Variants in CDH18 observed in about 807,000 individuals in gnomAD.
CDH18 encodes cadherin 18, also known as cadherin-18.
In CDH18, 31 loss-of-function variants were observed where a neutral mutation model predicts 67.9. The ratio of observed to expected loss-of-function variants is 0.46; its 90% CI spans 0.34 to 0.62. The LOEUF (loss-of-function observed/expected upper bound fraction) is 0.62, where lower values mean the gene tolerates loss of function less well. Among genes scored for constraint, CDH18 ranks in the 20% least tolerant of loss-of-function variants. The probability of loss-of-function intolerance (pLI) is 0.01; values close to 1 mark genes in which losing one functional copy is unlikely to be tolerated. For missense variants in CDH18, 890 were observed against 975.5 expected (o/e 0.91, Z 1.17); for synonymous variants, 362 against 347.2 (o/e 1.04, Z -0.48).
At chr5:20,188,848 CAAA>C (rs11390844) in intron 2 of CDH18, among the ~76,000 whole-genome samples, 1 of 125,174 alleles carries the variant, frequency 8.0e-6, no homozygotes, top group Non-Finnish European at 1.6e-5. Flanking sequence ...ATTTTCTAGG[CAAA>C]AAAAAAAAAA....
At chr5:19,620,032 C>T (rs1750449480) in intron 5 of CDH18, among the ~76,000 whole-genome samples, 1 of 152,062 alleles carries the variant, frequency 6.6e-6, no homozygotes, top group South Asian at 2.1e-4. Flanking sequence ...GAGACACTGG[C>T]ATCTTAAAAT....
chr5:20,309,111 G>A (rs1289980295), intron 1 of CDH18, among the ~76,000 whole-genome samples: 2 of 152,154 alleles, frequency 1.3e-5, no homozygotes, highest in African/African-American at 4.8e-5. Flanking sequence ...TGAGGTAGCT[G>A]CTCTGGGAAA....
chr5:20,328,491 G>A (rs112824122), intron 1 of CDH18, among the ~76,000 whole-genome samples: 9 of 149,298 alleles, frequency 6.0e-5, no homozygotes, highest in African/African-American at 2.3e-4. Flanking sequence ...GTGTGTGTGT[G>A]TGTGTGTGTG....
intron 2 of CDH18, among the ~76,000 whole-genome samples, chr5:20,001,500 C>G (rs1736434247): frequency 1.3e-5 from 2 of 151,946 alleles, no homozygotes; most frequent in African/African-American, 4.8e-5. Context: ...TCATAAAGAA[C>G]AGAACAAGCT....
chr5:19,776,515 G>C lies in CDH18; in HGVS notation c.229-29279C>G, dbSNP rs533475105. 3.9e-5 allele frequency among the ~76,000 whole-genome samples: 6 copies of C among 152,196 alleles called. No homozygotes were observed. In the South Asian group the frequency reaches 1.2e-3, roughly 32 times the overall value. ...GGATGAATGTAGGGAGGAAGTAAAAGAGGAGAAAATAAATTCATACAGGGA... is the reference window on the plus strand; with the variant it reads ...GGATGAATGTAGGGAGGAAGTAAAACAGGAGAAAATAAATTCATACAGGGA... On this transcript the variant is annotated intron_variant, in intron 3 of 12. Coordinates refer to ENST00000382275, the MANE Select transcript of CDH18 (RefSeq NM_004934.5).
intron 1 of CDH18, among the ~76,000 whole-genome samples, chr5:20,497,409 C>T (rs576793164): frequency 3.9e-5 from 6 of 152,212 alleles, no homozygotes; most frequent in Non-Finnish European, 5.9e-5. Flanking sequence ...TATTTAGATA[C>T]GCTTAGATAC....
In CDH18 at chr5:19,591,139, G is replaced by C. The variant is rs1745066394; in HGVS notation, c.917C>G (p.Ser306Cys). Residue 306 changes from serine to cysteine, a missense_variant, in exon 7 of 13, where the codon TCC becomes TGC. Ser to Cys is a moderately radical substitution (Grantham distance 112). Coordinates refer to ENST00000382275, the MANE Select transcript of CDH18 (RefSeq NM_004934.5). ...TCCCATGCCATCACCATTTATGATG[G>C]AGTAGGTCATGTCAGCATTTGAGCC... is the stretch of plus-strand genomic sequence containing the variant. ...DTGSNADMTY[S>C]IINGDGMGIF... The C allele has an allele frequency of 1.2e-6, 2 of 1,611,762 alleles. No individual in the cohort carries two copies. The highest frequency in any genetic ancestry group is 3.3e-5 in the Admixed American group (2 of 59,788).
At chr5:20,081,742 T>C (rs1744496309) in intron 2 of CDH18, among the ~76,000 whole-genome samples, 1 of 151,990 alleles carries the variant, frequency 6.6e-6, no homozygotes, top group East Asian at 1.9e-4. Context: ...GAGCTAAACA[T>C]TGAGTACATA....
At chr5:19,490,404 T>G (rs1351703121) in intron 11 of CDH18, among the ~76,000 whole-genome samples, 9 of 117,930 alleles carry the variant, frequency 7.6e-5, no homozygotes, top group African/African-American at 2.0e-4. Context: ...GTTTTTTTTT[T>G]TTTTTTTTTT....
At chr5:19,969,523 G>A (rs1267277573) in intron 2 of CDH18, among the ~76,000 whole-genome samples, 1 of 150,050 alleles carries the variant, frequency 6.7e-6, no homozygotes, top group Non-Finnish European at 1.5e-5. Context: ...CATAAAAAAT[G>A]ATGAGTTCAT....
intron 5 of CDH18, among the ~76,000 whole-genome samples, chr5:19,629,698 CA>C (rs1279817886): frequency 2.0e-5 from 3 of 152,114 alleles, no homozygotes; most frequent in African/African-American, 7.2e-5. Context: ...ATTGGTTGAA[CA>C]AATTAGCTGA....
intron 1 of CDH18, among the ~76,000 whole-genome samples, chr5:20,389,148 G>A (rs1378517787): frequency 1.3e-5 from 2 of 152,036 alleles, no homozygotes; most frequent in African/African-American, 2.4e-5. Flanking sequence ...TGTTGACAGT[G>A]GGGTGTTAAA....
chr5:20,318,457 G>T (rs1246649661), intron 1 of CDH18, among the ~76,000 whole-genome samples: 2 of 152,138 alleles, frequency 1.3e-5, no homozygotes, highest in Non-Finnish European at 2.9e-5. Flanking sequence ...TGGAGGTGGG[G>T]CCTTGTGGGA....
chr5:20,508,912 T>G (rs1310327098), intron 1 of CDH18, among the ~76,000 whole-genome samples: 1 of 152,128 alleles, frequency 6.6e-6, no homozygotes, highest in African/African-American at 2.4e-5. Context: ...AGTCACACCC[T>G]CCTAATGTCT....
At chr5:19,848,638 T>C (rs1783284979) in intron 2 of CDH18, among the ~76,000 whole-genome samples, 1 of 151,876 alleles carries the variant, frequency 6.6e-6, no homozygotes, top group African/African-American at 2.4e-5. Flanking sequence ...TAACATAAAA[T>C]GATTTTAAAA....
intron 8 of CDH18, 22 bp downstream of exon 8, chr5:19,571,557 A>G (rs753434727): frequency 6.2e-7 from 1 of 1,600,568 alleles, no homozygotes; most frequent in Admixed American, 1.7e-5. Context: ...TTCTATGTCT[A>G]AACGATTGAA....
Position 19,741,258 on chromosome 5 carries a change from T to C in CDH18, c.523+5684A>G, listed in dbSNP as rs200716743. On this transcript the variant is annotated intron_variant, in intron 4 of 12. Coordinates refer to ENST00000382275, the MANE Select transcript of CDH18 (RefSeq NM_004934.5). ...ATGTACATATATGTATGTATATATG[T>C]ATACATATATACATATATACGTGTA... Among the ~76,000 whole-genome samples the C allele has an allele frequency of 1.5e-4, 22 of 143,282 alleles. No individual in the cohort carries two copies. In the East Asian group the frequency reaches 3.3e-3, roughly 21 times the overall value. 94.0% of individuals were successfully genotyped at this position (143,282 alleles called of 152,430 possible).
intron 2 of CDH18, among the ~76,000 whole-genome samples, chr5:20,131,875 T>C (rs530167484): frequency 6.6e-6 from 1 of 150,496 alleles, no homozygotes; most frequent in Admixed American, 6.6e-5. Context: ...CAATAAAGTG[T>C]TTTTTTTTGT....
At chr5:19,593,709 T>TCCTCCTCCTCCTCCTCCC (rs70950076) in intron 6 of CDH18, among the ~76,000 whole-genome samples, 10 of 111,142 alleles carry the variant, frequency 9.0e-5, no homozygotes, top group Non-Finnish European at 1.4e-4. Context: ...CTCCTCCTCC[T>TCCTCCTCCTCCTCCTCCC]TCTTCTTCTT....
Sources: allele counts gnomAD v4.1 joint callset (sites outside exome capture counted in the v4.1 genomes callset), GRCh38; gene constraint gnomAD v4.1.1; transcripts MANE v1.5; gene names NCBI Gene and HGNC (gene_info 2026-07-23, HGNC 2026-07-21).